ADAMTS7: variants seen among roughly 807,000 people sequenced by gnomAD.
ADAMTS7 encodes the protein ADAM metallopeptidase with thrombospondin type 1 motif 7.
Under a neutral mutation model 172.6 loss-of-function variants are expected in ADAMTS7, and 89 were observed. That is an observed-to-expected ratio of 0.52 (90% CI 0.43 to 0.61). ADAMTS7 has a LOEUF of 0.61. Ranked by LOEUF, ADAMTS7 falls within the 20% of genes least tolerant of loss-of-function variation. ADAMTS7 has a pLI of 0.00. For synonymous variants in ADAMTS7, 885 were observed against 978.4 expected, an observed-to-expected ratio of 0.90 and a Z score of 1.78; for missense variants, 1,973 against 2,355.6, an observed-to-expected ratio of 0.84 and a Z score of 3.36.
intron 8 of ADAMTS7, among the ~76,000 whole-genome samples, chr15:78,782,169 T>C (rs2055437016): frequency 6.6e-6 from 1 of 152,052 alleles, no homozygotes; most frequent in Non-Finnish European, 1.5e-5. Flanking sequence ...TAGCTGGGAT[T>C]ATAGGCGTGC....
chr15:78,768,182 G>C lies in ADAMTS7; in HGVS notation c.2596C>G (p.Arg866Gly). 1.9e-6 allele frequency: 3 copies of C among 1,609,398 alleles called. No homozygotes were observed. Among genetic ancestry groups the C allele is most frequent in the African/African-American group, 2.7e-5 (2 of 74,746 alleles). The part of the protein sequence containing the change: ...VDEEHCDPLG[R>G]PDDQQRKCSE... ...CACTTCCTCTGTTGGTCATCAGGCC[G>C]GCCCAGGGGGTCACAGTGCTCCTCG... is the stretch of plus-strand genomic sequence containing the variant. Residue 866 changes from arginine to glycine, a missense_variant, in exon 17 of 24, where the codon CGG becomes GGG. Coordinates refer to ENST00000388820, the MANE Select transcript of ADAMTS7 (RefSeq NM_014272.5).
At chr15:78,785,712 C>T (rs2055492497) in intron 8 of ADAMTS7, among the ~76,000 whole-genome samples, 1 of 152,122 alleles carries the variant, frequency 6.6e-6, no homozygotes, top group East Asian at 1.9e-4. Context: ...AATGTATGTA[C>T]AGGAAGTGAT....
At chr15:78,805,716 G>A (rs1018077106) in intron 1 of ADAMTS7, among the ~76,000 whole-genome samples, 2 of 152,114 alleles carry the variant, frequency 1.3e-5, no homozygotes, top group African/African-American at 4.8e-5. Context: ...GTGACCCTTG[G>A]CTACTAACTG....
At chr15:78,770,760 T>C (rs1337199577) in intron 16 of ADAMTS7, 1 of 189,656 alleles carries the variant, frequency 5.3e-6, no homozygotes, top group African/African-American at 2.4e-5. Context: ...GAGAGGGGAC[T>C]GAGGAGCATG....
chr15:78,792,466 T>C (rs1564499), intron 4 of ADAMTS7, among the ~76,000 whole-genome samples: 118,447 of 152,142 alleles, frequency 0.78, 46,202 homozygotes, highest in East Asian at 0.91. Context: ...AATGCAAACC[T>C]CATCATGACA....
chr15:78,763,337 A>C (rs1202066626), intron 22 of ADAMTS7, among the ~76,000 whole-genome samples: 1 of 151,972 alleles, frequency 6.6e-6, no homozygotes, highest in African/African-American at 2.4e-5. Context: ...GGCCCCTCTT[A>C]CGCCCCCTTC....
chr15:78,795,057 C>A (rs1270921367), intron 4 of ADAMTS7, among the ~76,000 whole-genome samples: 2 of 152,216 alleles, frequency 1.3e-5, no homozygotes, highest in Non-Finnish European at 2.9e-5. Context: ...GCATAGGGGA[C>A]ACTCAGAAAA....
intron 8 of ADAMTS7, among the ~76,000 whole-genome samples, chr15:78,779,758 G>T (rs112321636): frequency 0.33 from 50,857 of 151,920 alleles, 9,093 homozygotes; most frequent in Middle Eastern, 0.42. Context: ...GGGGCTGAGG[G>T]GTCCAATGCA....
chr15:78,783,162 C>T (rs2055455202), intron 8 of ADAMTS7, among the ~76,000 whole-genome samples: 2 of 152,228 alleles, frequency 1.3e-5, no homozygotes, highest in Admixed American at 6.5e-5. Context: ...AGCCCCCATC[C>T]AAACCAGTCC....
chr15:78,772,726 C>A (rs1234952266), intron 14 of ADAMTS7, among the ~76,000 whole-genome samples: 6 of 152,278 alleles, frequency 3.9e-5, no homozygotes. Flanking sequence ...TCACCTAGCA[C>A]ACAGTCAGTA....
At chr15:78,780,441 G>A (rs1283354504) in intron 8 of ADAMTS7, among the ~76,000 whole-genome samples, 1 of 152,134 alleles carries the variant, frequency 6.6e-6, no homozygotes, top group East Asian at 1.9e-4. Flanking sequence ...GGGGGTCCAC[G>A]GGGTGAAGTG....
At position 78,800,492 on chromosome 15, in the gene ADAMTS7, G is replaced by A. The variant is rs986714527; in HGVS notation, c.156C>T (p.Asp52=). The change falls in exon 2 of 24, where the codon GAC becomes GAT. Residue 52 remains aspartate (D), a synonymous_variant. Coordinates refer to ENST00000388820, the MANE Select transcript of ADAMTS7 (RefSeq NM_014272.5). The part of the protein sequence containing the change: ...ALDIVHPVRV[D]AGGSFLSYEL... ...CGTAGGACAGGAAGGAGCCCCCCGC[G>A]TCGACTCGAACCGGGTGCACGATGT... 1.2e-6 allele frequency: 2 copies of A among 1,609,006 alleles called. No homozygotes were observed. Among genetic ancestry groups the A allele is most frequent in the Non-Finnish European group, 1.7e-6 (2 of 1,178,286 alleles).
chr15:78,786,128 C>T (rs1049157783), intron 8 of ADAMTS7, among the ~76,000 whole-genome samples: 6 of 151,670 alleles, frequency 4.0e-5, no homozygotes, highest in African/African-American at 1.4e-4. Context: ...AGGGGTTTCA[C>T]CATGTTGGCC....
Position 78,775,868 on chromosome 15 carries a change from G to A in ADAMTS7, c.1706+320C>T, listed in dbSNP as rs138706632. 4.1e-3 allele frequency among the ~76,000 whole-genome samples: 622 copies of A among 152,268 alleles called. 6 individuals are homozygous for A. The highest frequency in any genetic ancestry group is 0.014 in the African/African-American group (580 of 41,548). ...AGATTCGAACCCTGAGCCATCTAAG[G>A]TCCAGGGCCCATGCTCTTCCCCACT... On this transcript the variant is annotated intron_variant, in intron 11 of 23. Transcript: ENST00000388820.
chr15:78,768,378 C>T, intron 16 of ADAMTS7, 119 bp from the exon 17 acceptor site: 2 of 1,420,370 alleles, frequency 1.4e-6, no homozygotes, highest in Non-Finnish European at 1.9e-6. Flanking sequence ...TGTCAGGATG[C>T]CTTACTGCCC....
At chr15:78,775,702 G>A (rs533373302) in intron 11 of ADAMTS7, among the ~76,000 whole-genome samples, 73 of 152,326 alleles carry the variant, frequency 4.8e-4, no homozygotes, top group Non-Finnish European at 9.1e-4. Context: ...AGCCCCTCCC[G>A]CTGAGTGCCC....
chr15:78,772,928 G>C (rs2055275079), intron 14 of ADAMTS7, among the ~76,000 whole-genome samples, 155 bp downstream of exon 14: 1 of 152,222 alleles, frequency 6.6e-6, no homozygotes, highest in African/African-American at 2.4e-5. Context: ...GGGGTCCCCT[G>C]ACTCCTGCAA....
intron 8 of ADAMTS7, among the ~76,000 whole-genome samples, chr15:78,782,108 T>G (rs2055436110): frequency 6.6e-6 from 1 of 151,904 alleles, no homozygotes; most frequent in African/African-American, 2.4e-5. Context: ...CTTGGCTCAC[T>G]GCAACCTCCA....
chr15:78,806,101 C>A (rs537559550), intron 1 of ADAMTS7, among the ~76,000 whole-genome samples: 12 of 10,050 alleles, frequency 1.2e-3, no homozygotes, highest in African/African-American at 2.5e-3. Flanking sequence ...AACACACACA[C>A]ACACACACAC....
Sources: gnomAD v4.1 joint callset for allele counts (sites outside exome capture counted in the v4.1 genomes callset) on GRCh38, gnomAD v4.1.1 for gene constraint, MANE v1.5 for transcripts, NCBI Gene and HGNC (gene_info 2026-07-23, HGNC 2026-07-21) for gene names.